MAP4K1: variants seen among roughly 807,000 people sequenced by gnomAD.
MAP4K1 encodes MAPK/ERK kinase kinase kinase 1.
A neutral mutation model predicts 122.8 loss-of-function variants in MAP4K1; 35 were observed. The observed-to-expected ratio is 0.29, with a 90% CI of 0.22 to 0.38. MAP4K1 has a LOEUF of 0.38. Among genes scored for constraint, MAP4K1 ranks in the 10% least tolerant of loss-of-function variants. MAP4K1 has a pLI of 1.00. For synonymous variants in MAP4K1, 412 were observed against 421.3 expected, an observed-to-expected ratio of 0.98 and a Z score of 0.27; for missense variants, 791 against 1,072.6, an observed-to-expected ratio of 0.74 and a Z score of 3.67.
chr19:38,609,711 C>T (rs764873773), intron 12 of MAP4K1, 37 bp from the exon 13 acceptor site: 2 of 1,575,300 alleles, frequency 1.3e-6, no homozygotes, highest in Non-Finnish European at 1.7e-6. Flanking sequence ...GCTCAAGACC[C>T]CCAAGCAGCC....
rs113779019 is a variant in MAP4K1 at position 38,602,431 on chromosome 19, CAT to C, written c.1447-908_1447-907del. ...ATATAGACACACACACACACACACA[CAT>C]ATATATACACACACACATACATATA... On this transcript the variant is annotated intron_variant, in intron 19 of 30. Coordinates refer to ENST00000396857, the MANE Select transcript of MAP4K1 (RefSeq NM_001042600.3). Among the ~76,000 whole-genome samples, 203 of 143,086 alleles carry C rather than the reference CAT, an allele frequency of 1.4e-3. 2 individuals carry two copies. Among genetic ancestry groups the C allele is most frequent in the South Asian group, 0.011 (49 of 4,288 alleles). 93.9% of individuals were successfully genotyped at this position (143,086 alleles called of 152,430 possible).
Position 38,617,477 on chromosome 19 carries a change from G to T in MAP4K1, c.158-33C>A. ...GAGGGCGGGAGAGAAAAGGCAGCTC[G>T]CATGGGGAGAGAGCTACAGGGGAGG... On this transcript the variant is annotated intron_variant, in intron 2 of 30. Coordinates refer to ENST00000396857, the MANE Select transcript of MAP4K1 (RefSeq NM_001042600.3). This position sits in a 1 kb window ranked among gnomAD's most constrained non-coding sequence, Gnocchi z 4.1. The T allele has an allele frequency of 6.3e-7, 1 of 1,589,032 alleles. No homozygotes were observed. Among genetic ancestry groups the T allele is most frequent in the Non-Finnish European group, 8.6e-7 (1 of 1,157,216 alleles).
rs192746116 is a variant in MAP4K1, at chr19:38,615,107, G to A, written c.314-662C>T. ...AGGTGGTCAGTCAGGGCTGCTCTCT[G>A]AAGGTGACAGTGGGTGAAGACATGA... is the stretch of plus-strand genomic sequence containing the variant. On this transcript the variant is annotated intron_variant, in intron 4 of 30. Transcript: ENST00000396857. Among the ~76,000 whole-genome samples the A allele has an allele frequency of 4.0e-3, 609 of 152,078 alleles. 7 individuals are homozygous for A. The highest frequency in any genetic ancestry group is 0.014 in the African/African-American group (589 of 41,464).
At chr19:38,609,734 C>G in intron 12 of MAP4K1, 60 bp from the exon 13 acceptor site, 1 of 1,474,198 alleles carries the variant, frequency 6.8e-7, no homozygotes, top group South Asian at 1.2e-5. Flanking sequence ...CTACCCTGCC[C>G]GGGGTCCATC....
chr19:38,610,899 T>C, intron 11 of MAP4K1, 152 bp downstream of exon 11: 1 of 687,548 alleles, frequency 1.5e-6, no homozygotes, highest in Non-Finnish European at 2.6e-6. Flanking sequence ...GGAGGGTCTC[T>C]GGTGGTCGGG....
chr19:38,611,203 C>T (rs554183000), intron 10 of MAP4K1, 40 bp downstream of exon 10: 1 of 1,605,424 alleles, frequency 6.2e-7, no homozygotes, highest in African/African-American at 1.3e-5. Context: ...CAGCCCCAGC[C>T]CTGCCCTCTC....
At chr19:38,606,891 C>T (rs976255477) in intron 16 of MAP4K1, among the ~76,000 whole-genome samples, 2 of 152,076 alleles carry the variant, frequency 1.3e-5, no homozygotes, top group African/African-American at 2.4e-5. Context: ...AGTGAGTGCG[C>T]GCACCTGGAT....
Position 38,617,686 on chromosome 19 carries a change from C to T in MAP4K1, c.100-61G>A. 6.2e-7 allele frequency: 1 copy of T among 1,608,078 alleles called. No homozygotes were observed. The highest frequency in any genetic ancestry group is 8.5e-7 in the Non-Finnish European group (1 of 1,174,508). ...ATTTGCCAGAGTCCCTCCACAGCATCCCTGAGTCAAGGTCAAGAACTGGGA... is the reference window on the plus strand; with the variant it reads ...ATTTGCCAGAGTCCCTCCACAGCATTCCTGAGTCAAGGTCAAGAACTGGGA... On this transcript the variant is annotated intron_variant, in intron 1 of 30. Transcript: ENST00000396857. This position sits in a 1 kb window ranked among gnomAD's most constrained non-coding sequence, Gnocchi z 4.1.
intron 30 of MAP4K1, among the ~76,000 whole-genome samples, chr19:38,590,965 T>TCACACA (rs58402161): frequency 4.5e-3 from 612 of 137,396 alleles, no homozygotes; most frequent in Non-Finnish European, 6.8e-3. Context: ...CATTAAAAAA[T>TCACACA]CACACACACA....
intron 22 of MAP4K1, among the ~76,000 whole-genome samples, chr19:38,599,179 TAAAAAAAGTAAAAAA>T (rs1974984759): frequency 8.4e-6 from 1 of 119,182 alleles, no homozygotes. Flanking sequence ...AAATAAAAAA[TAAAAAAAGTAAAAAA>T]AAAAAAAGCC....
At chr19:38,596,135 C>T (rs1974869449) in intron 26 of MAP4K1, 134 bp from the exon 27 acceptor site, 1 of 1,268,436 alleles carries the variant, frequency 7.9e-7, no homozygotes, top group Non-Finnish European at 1.1e-6. Context: ...CGCCCACCAT[C>T]CCGGTCCCAC....
In MAP4K1 at chr19:38,593,238, G is replaced by A. The variant is rs1974778789; in HGVS notation, c.2396+44C>T. The A allele has an allele frequency of 1.9e-6, 3 of 1,583,214 alleles. No homozygotes were observed. The African/African-American group carries it at 4.0e-5, about 21-fold the overall frequency. On this transcript the variant is annotated intron_variant, in intron 30 of 30. Transcript: ENST00000396857. Reference sequence around the variant, plus strand: ...ACCTCAGAATGCTCTCTTCACATCAGAAGCCCCCTCCCAGGTCCTTCTGCA... The same window carrying A: ...ACCTCAGAATGCTCTCTTCACATCAAAAGCCCCCTCCCAGGTCCTTCTGCA...
Position 38,614,462 on chromosome 19 carries a change from G to T in MAP4K1, c.314-17C>A. The T allele has an allele frequency of 1.2e-6, 2 of 1,613,722 alleles. No individual in the cohort carries two copies. The highest frequency in any genetic ancestry group is 1.7e-6 in the Non-Finnish European group (2 of 1,179,992). Reference sequence around the variant, plus strand: ...AGCCTGTCACTGCAAAGGTCACCCCGGCCAGGCCAGGCATTGGATGGGAGC... The same window carrying T: ...AGCCTGTCACTGCAAAGGTCACCCCTGCCAGGCCAGGCATTGGATGGGAGC... On this transcript the variant is annotated splice_polypyrimidine_tract_variant and intron_variant, in intron 4 of 30. Transcript: ENST00000396857.
At chr19:38,589,878 A>G (rs1974653203) in intron 30 of MAP4K1, among the ~76,000 whole-genome samples, 1 of 152,020 alleles carries the variant, frequency 6.6e-6, no homozygotes, top group South Asian at 2.1e-4. Context: ...AAAAATACGA[A>G]AATAAGCCAG....
At chr19:38,591,374 C>CA (rs1313361710) in intron 30 of MAP4K1, among the ~76,000 whole-genome samples, 2 of 150,874 alleles carry the variant, frequency 1.3e-5, no homozygotes, top group Admixed American at 6.6e-5. Flanking sequence ...ACTAAAAAAA[C>CA]AAAAAAATTA....
In MAP4K1 at chr19:38,617,625, C is replaced by A. The variant is rs1315959892; in HGVS notation, c.100G>T (p.Ala34Ser). ...AGGTCCCCTGACACCTTGTCTCGAG[C>A]CTTGCAAAGGGGAAGTTGGCAGTCA... is the stretch of plus-strand genomic sequence containing the variant. The part of the protein sequence containing the change: ...GGGTYGEVFK[A>S]RDKVSGDLVA... The change falls in exon 2 of 31, where the codon GCT (alanine) becomes TCT (serine). Residue 34 changes from alanine (A) to serine (S), a missense_variant and splice_region_variant. Around this residue, in one of 4 missense-constraint regions of MAP4K1, gnomAD observed 163 missense variants for 286.1 expected, o/e 0.57. Coordinates refer to ENST00000396857, the MANE Select transcript of MAP4K1 (RefSeq NM_001042600.3). This position sits in a 1 kb window ranked among gnomAD's most constrained non-coding sequence, Gnocchi z 4.1. 6.2e-7 allele frequency: 1 copy of A among 1,613,962 alleles called. No individual in the cohort carries two copies. The highest frequency in any genetic ancestry group is 1.3e-5 in the African/African-American group (1 of 74,900).
At chr19:38,588,934 A>G (rs1373809722) in intron 30 of MAP4K1, among the ~76,000 whole-genome samples, 1 of 149,740 alleles carries the variant, frequency 6.7e-6, no homozygotes, top group Non-Finnish European at 1.5e-5. Context: ...TAAATAAATA[A>G]ATAATGACAG....
At position 38,607,096 on chromosome 19, in the gene MAP4K1, C is replaced by T. The variant is rs548759951; in HGVS notation, c.1157+768G>A. Among the ~76,000 whole-genome samples, 12 of 151,948 alleles carry T rather than the reference C, an allele frequency of 7.9e-5. No homozygotes were observed. In the East Asian group the frequency reaches 1.9e-3, roughly 24 times the overall value. The stretch of plus-strand genomic sequence containing the variant: ...GTGGGTCTGGGGTGAGAGTGACATT[C>T]GGGAGGAGTTTGAGACTGGGATGTG... On this transcript the variant is annotated intron_variant, in intron 16 of 30. Coordinates refer to ENST00000396857, the MANE Select transcript of MAP4K1 (RefSeq NM_001042600.3).
chr19:38,599,783 A>G (rs1190711999), intron 22 of MAP4K1, 142 bp downstream of exon 22: 2 of 802,044 alleles, frequency 2.5e-6, no homozygotes, highest in Non-Finnish European at 4.3e-6. Context: ...AGCACAGTCA[A>G]AAAGTGTCTG....
Sources: allele counts gnomAD v4.1 joint callset (sites outside exome capture counted in the v4.1 genomes callset), GRCh38; gene constraint gnomAD v4.1.1; regional missense constraint gnomAD v4.1.1; non-coding constraint Gnocchi (gnomAD v3.1); transcripts MANE v1.5; gene names NCBI Gene and HGNC (gene_info 2026-07-23, HGNC 2026-07-21).